Variants in STAU2 observed in about 807,000 individuals in gnomAD.
STAU2 encodes staufen double-stranded RNA binding protein 2.
In STAU2, 20 loss-of-function variants were observed where a neutral mutation model predicts 65.9. The observed-to-expected ratio is 0.30, with a 90% CI of 0.21 to 0.44. STAU2 has a LOEUF of 0.44. Ranked by LOEUF, STAU2 falls within the 20% of genes least tolerant of loss-of-function variation. STAU2 has a pLI of 1.00. For synonymous variants in STAU2, 232 were observed against 233.9 expected (o/e 0.99, Z 0.07); for missense variants, 558 against 683.9 (o/e 0.82, Z 2.05).
intron 10 of STAU2, among the ~76,000 whole-genome samples, chr8:73,599,518 A>C (rs572324515): frequency 6.6e-6 from 1 of 152,208 alleles, no homozygotes; most frequent in Non-Finnish European, 1.5e-5. Context: ...AAAAAGTTAG[A>C]AAGTTTCAAT....
At chr8:73,566,839 G>A (rs1448295896) in intron 12 of STAU2, among the ~76,000 whole-genome samples, 1 of 152,206 alleles carries the variant, frequency 6.6e-6, no homozygotes, top group Non-Finnish European at 1.5e-5. Context: ...CTTTCAGACA[G>A]ACTGCATTTA....
At chr8:73,703,513 C>G (rs1042801825) in intron 4 of STAU2, among the ~76,000 whole-genome samples, 5 of 152,138 alleles carry the variant, frequency 3.3e-5, no homozygotes, top group African/African-American at 1.2e-4. Flanking sequence ...TATAGATGTT[C>G]AAATTAGCTT....
At chr8:73,706,946 A>G (rs1480066215) in intron 4 of STAU2, among the ~76,000 whole-genome samples, 1 of 152,194 alleles carries the variant, frequency 6.6e-6, no homozygotes, top group East Asian at 1.9e-4. Flanking sequence ...TGAAAACCAA[A>G]TCCTCCTAAG....
intron 6 of STAU2, chr8:73,652,992 C>G (rs1460932585): frequency 6.6e-6 from 1 of 151,956 alleles, no homozygotes; most frequent in Non-Finnish European, 1.5e-5. Context: ...CATCTTAGGG[C>G]GTAATTAAAG....
intron 6 of STAU2, among the ~76,000 whole-genome samples, chr8:73,660,984 A>G (rs950060480): frequency 6.6e-5 from 10 of 152,328 alleles, no homozygotes; most frequent in African/African-American, 2.2e-4. Context: ...TGATATTTAG[A>G]TTCTTTTAAA....
chr8:73,435,911 G>GTA (rs1817649487), intron 13 of STAU2, among the ~76,000 whole-genome samples: 3 of 151,716 alleles, frequency 2.0e-5, no homozygotes, highest in African/African-American at 7.3e-5. Flanking sequence ...AGAGGAGCCT[G>GTA]GGTCTGTAGG....
intron 6 of STAU2, among the ~76,000 whole-genome samples, chr8:73,660,391 T>C (rs755360089): frequency 2.0e-5 from 3 of 152,212 alleles, no homozygotes; most frequent in Non-Finnish European, 2.9e-5. Context: ...ATCGCATCAT[T>C]GCACTCCAGC....
At chr8:73,464,600 G>GCACATA (rs1554593347) in intron 13 of STAU2, among the ~76,000 whole-genome samples, 578 of 101,908 alleles carry the variant, frequency 5.7e-3, no homozygotes, top group East Asian at 0.011. Flanking sequence ...GTGTGCACGC[G>GCACATA]CACACACACA....
intron 13 of STAU2, among the ~76,000 whole-genome samples, chr8:73,507,075 T>C (rs866601352): frequency 2.0e-5 from 3 of 152,160 alleles, no homozygotes; most frequent in African/African-American, 7.2e-5. Flanking sequence ...AAGTCACCCA[T>C]GAGGGTTGGA....
chr8:73,530,884 T>C (rs1363739703), intron 13 of STAU2, among the ~76,000 whole-genome samples: 1 of 152,058 alleles, frequency 6.6e-6, no homozygotes, highest in East Asian at 1.9e-4. Context: ...CACAAACCAC[T>C]GGTAAAGCCA....
chr8:73,720,020 C>T (rs116060072), intron 3 of STAU2, among the ~76,000 whole-genome samples: 1,599 of 152,186 alleles, frequency 0.011, 26 homozygotes, highest in African/African-American at 0.036. Context: ...TAGCTCATGT[C>T]TGTAACCCTA....
chr8:73,426,370 A>G (rs1040086494), intron 13 of STAU2, among the ~76,000 whole-genome samples: 4 of 152,156 alleles, frequency 2.6e-5, no homozygotes, highest in Non-Finnish European at 4.4e-5. Flanking sequence ...ACTGTTAACT[A>G]TAGTCTTTCT....
chr8:73,525,619 A>C (rs1823314628), intron 13 of STAU2, among the ~76,000 whole-genome samples: 1 of 152,200 alleles, frequency 6.6e-6, no homozygotes, highest in African/African-American at 2.4e-5. Context: ...ATTTGATCCC[A>C]GTCTGCACTC....
intron 2 of STAU2, among the ~76,000 whole-genome samples, chr8:73,738,627 T>C (rs1806612220): frequency 6.6e-6 from 1 of 152,228 alleles, no homozygotes. Flanking sequence ...ACGTCACTAG[T>C]AGCCACCATA....
At chr8:73,486,091 ATAAG>A (rs1165788835) in intron 13 of STAU2, among the ~76,000 whole-genome samples, 1 of 152,100 alleles carries the variant, frequency 6.6e-6, no homozygotes, top group Non-Finnish European at 1.5e-5. Flanking sequence ...ACCTCTTTCT[ATAAG>A]TAACTAACCT....
At chr8:73,661,363 T>C (rs536558119) in intron 6 of STAU2, among the ~76,000 whole-genome samples, 2 of 152,308 alleles carry the variant, frequency 1.3e-5, no homozygotes, top group South Asian at 2.1e-4. Context: ...GCCAAATGCT[T>C]GAGAAGCAAA....
chr8:73,670,921 A>C (rs1817625406), intron 6 of STAU2, among the ~76,000 whole-genome samples: 1 of 152,178 alleles, frequency 6.6e-6, no homozygotes, highest in Admixed American at 6.5e-5. Context: ...ATTAAAAACA[A>C]ATACACAATT....
intron 13 of STAU2, among the ~76,000 whole-genome samples, chr8:73,547,547 A>C (rs73326800): frequency 0.064 from 9,772 of 152,232 alleles, 817 homozygotes; most frequent in African/African-American, 0.2. Flanking sequence ...CCTGAGTGTT[A>C]ATGTCACTAA....
intron 12 of STAU2, among the ~76,000 whole-genome samples, chr8:73,575,128 TAAAA>T (rs5892429): frequency 1.4e-5 from 2 of 138,038 alleles, no homozygotes; most frequent in Non-Finnish European, 1.6e-5. Context: ...TCCTACCAAG[TAAAA>T]AAAAAAAAAA....
Sources: allele counts gnomAD v4.1 joint callset (sites outside exome capture counted in the v4.1 genomes callset), GRCh38; gene constraint gnomAD v4.1.1; transcripts MANE v1.5; gene names NCBI Gene and HGNC (gene_info 2026-07-23, HGNC 2026-07-21).